The following TLL1 variants were observed in gnomAD, a reference collection of about 807,000 sequenced individuals.
TLL1 encodes tolloid like 1.
A neutral mutation model predicts 128.2 loss-of-function variants in TLL1; 49 were observed. The ratio of observed to expected loss-of-function variants is 0.38; its 90% CI spans 0.30 to 0.48. TLL1 has a LOEUF of 0.48. Among genes scored for constraint, TLL1 ranks in the 20% least tolerant of loss-of-function variants. TLL1 has a pLI of 0.96. For missense variants in TLL1, 1,123 were observed against 1,242.0 expected (o/e 0.90, Z 1.44); for synonymous variants, 454 against 418.8 (o/e 1.08, Z -1.03).
rs73863540 is a variant in TLL1 at position 166,066,761 on chromosome 4, G to A, written c.2188+898G>A. On this transcript the variant is annotated intron_variant, in intron 16 of 20. Transcript: ENST00000061240. Reference sequence around the variant, plus strand: ...TGAGTTCCAAGTCATACAGAAAAGAGCCTCCAGAATACAATGGACCTCGGC... The same window carrying A: ...TGAGTTCCAAGTCATACAGAAAAGAACCTCCAGAATACAATGGACCTCGGC... Among the ~76,000 whole-genome samples the A allele has an allele frequency of 8.9e-3, 1,356 of 151,832 alleles. 22 individuals carry two copies. The highest frequency in any genetic ancestry group is 0.03 in the African/African-American group (1,252 of 41,508).
chr4:166,070,976 A>T (rs1230925046), intron 16 of TLL1, among the ~76,000 whole-genome samples: 2 of 151,940 alleles, frequency 1.3e-5, no homozygotes, highest in Non-Finnish European at 2.9e-5. Context: ...TTGCATGTTT[A>T]TAGAAAGAGA....
chr4:165,884,565 G>A (rs998441597), intron 1 of TLL1, among the ~76,000 whole-genome samples: 1 of 152,218 alleles, frequency 6.6e-6, no homozygotes, highest in African/African-American at 2.4e-5. Context: ...GCTGGGCGCA[G>A]TGGCTCATGC....
chr4:166,009,479 A>G (rs1737582957), intron 7 of TLL1, among the ~76,000 whole-genome samples: 1 of 151,322 alleles, frequency 6.6e-6, no homozygotes, highest in South Asian at 2.1e-4. Context: ...TGCATTGTGT[A>G]TTTTCCCATA....
intron 1 of TLL1, among the ~76,000 whole-genome samples, chr4:165,957,940 T>C (rs540101719): frequency 1.4e-4 from 21 of 146,400 alleles, no homozygotes; most frequent in Non-Finnish European, 2.2e-4. Context: ...AATTCCCATC[T>C]ATGAGTGAGA....
intron 1 of TLL1, among the ~76,000 whole-genome samples, chr4:165,907,550 C>CTTT (rs111799840): frequency 1.0e-4 from 14 of 139,540 alleles, no homozygotes; most frequent in East Asian, 4.2e-4. Flanking sequence ...TAATGCAAGC[C>CTTT]TTTTTTTTTT....
intron 1 of TLL1, among the ~76,000 whole-genome samples, chr4:165,891,570 G>A (rs1265148006): frequency 6.6e-6 from 1 of 152,026 alleles, no homozygotes; most frequent in East Asian, 1.9e-4. Context: ...CTAGGCTGGG[G>A]GCAAAATGCC....
At chr4:166,087,444 T>C (rs1182297544) in intron 18 of TLL1, among the ~76,000 whole-genome samples, 1 of 152,146 alleles carries the variant, frequency 6.6e-6, no homozygotes, top group Non-Finnish European at 1.5e-5. Flanking sequence ...TTTTTTCCAG[T>C]GGCCTCTAAT....
chr4:165,928,878 A>G (rs1179210089), intron 1 of TLL1, among the ~76,000 whole-genome samples: 1 of 152,178 alleles, frequency 6.6e-6, no homozygotes, highest in African/African-American at 2.4e-5. Context: ...CAACAAATCC[A>G]ATTTTTTAAA....
chr4:165,891,042 A>G (rs1731379002), intron 1 of TLL1, among the ~76,000 whole-genome samples: 1 of 152,086 alleles, frequency 6.6e-6, no homozygotes, highest in Admixed American at 6.5e-5. Context: ...TAAGCCACCA[A>G]AGCTTGGAGG....
chr4:165,882,602 C>T (rs1007660496), intron 1 of TLL1, among the ~76,000 whole-genome samples: 1 of 151,788 alleles, frequency 6.6e-6, no homozygotes, highest in South Asian at 2.1e-4. Flanking sequence ...AAATCAGGGC[C>T]CCTGTGTTGC....
chr4:166,003,404 G>A lies in TLL1; in HGVS notation c.646G>A (p.Val216Ile), dbSNP rs372040520. ...TYRPCGCCSY[V>I]GRRGNGPQAI... is the part of the protein sequence containing the mutation. ...CTTTTATTCCAGATGCTGCTCCTATGTAGGTCGGCGAGGAAATGGACCTCA... is the reference window on the plus strand; with the variant it reads ...CTTTTATTCCAGATGCTGCTCCTATATAGGTCGGCGAGGAAATGGACCTCA... Residue 216 changes from valine (V) to isoleucine (I), a missense_variant, in exon 6 of 21, where the codon GTA (valine) becomes ATA (isoleucine). Coordinates refer to ENST00000061240, the MANE Select transcript of TLL1 (RefSeq NM_012464.5). 6.2e-6 allele frequency: 10 copies of A among 1,613,836 alleles called. No homozygotes were observed. Among genetic ancestry groups the A allele is most frequent in the African/African-American group, 2.7e-5 (2 of 74,886 alleles).
chr4:165,964,250 A>G (rs1467921833), intron 1 of TLL1, among the ~76,000 whole-genome samples: 1 of 152,180 alleles, frequency 6.6e-6, no homozygotes, highest in Non-Finnish European at 1.5e-5. Flanking sequence ...TTTCAAAATC[A>G]GGGGAAAATA....
intron 6 of TLL1, among the ~76,000 whole-genome samples, chr4:166,004,167 G>A (rs914308831): frequency 1.3e-5 from 2 of 152,042 alleles, no homozygotes; most frequent in African/African-American, 4.8e-5. Flanking sequence ...TCTGATAGTT[G>A]ATATTTGATA....
At chr4:165,992,480 G>C (rs1314863955) in intron 2 of TLL1, among the ~76,000 whole-genome samples, 1 of 152,002 alleles carries the variant, frequency 6.6e-6, no homozygotes, top group Non-Finnish European at 1.5e-5. Flanking sequence ...ACAACTTGCT[G>C]TCATTCTATG....
At chr4:166,061,617 G>T (rs1242444230) in intron 15 of TLL1, among the ~76,000 whole-genome samples, 2 of 151,936 alleles carry the variant, frequency 1.3e-5, no homozygotes, top group Non-Finnish European at 2.9e-5. Context: ...CTTTTTACTA[G>T]TGGCTTTTAG....
rs370748033 is a variant in TLL1, at chr4:166,034,602, T to C, written c.1159-4737T>C. ...GCCAAAGCACATCTTGTGAAACTAT[T>C]ACATTATATTCAGAAAAGAAGTATA... On this transcript the variant is annotated intron_variant, in intron 9 of 20. Transcript: ENST00000061240. 3.2e-4 allele frequency among the ~76,000 whole-genome samples: 49 copies of C among 152,208 alleles called. No individual in the cohort carries two copies. The East Asian group carries it at 4.4e-3, about 14-fold the overall frequency.
chr4:165,962,891 C>A (rs1237758751), intron 1 of TLL1, among the ~76,000 whole-genome samples: 2 of 151,264 alleles, frequency 1.3e-5, no homozygotes, highest in Non-Finnish European at 2.9e-5. Context: ...CCATGTCTCC[C>A]TAAAAGTACA....
At chr4:165,974,980 A>G (rs1423839503) in intron 1 of TLL1, among the ~76,000 whole-genome samples, 1 of 152,208 alleles carries the variant, frequency 6.6e-6, no homozygotes, top group East Asian at 1.9e-4. Flanking sequence ...AGGTGTGAGA[A>G]GAGGAATTTA....
At chr4:165,919,857 T>C in intron 1 of TLL1, 1 of 455,872 alleles carries the variant, frequency 2.2e-6, no homozygotes, top group South Asian at 1.5e-5. Context: ...CTAAGCAGTG[T>C]TGGGGCAATG....
Sources: gnomAD v4.1 joint callset for allele counts (sites outside exome capture counted in the v4.1 genomes callset) on GRCh38, gnomAD v4.1.1 for gene constraint, MANE v1.5 for transcripts, NCBI Gene and HGNC (gene_info 2026-07-23, HGNC 2026-07-21) for gene names.